GNA14: variants seen among roughly 807,000 people sequenced by gnomAD.
The protein encoded by GNA14 is G protein subunit alpha 14.
A neutral mutation model predicts 42.0 loss-of-function variants in GNA14; 50 were observed. The observed-to-expected ratio is 1.19, with a 90% CI of 0.95 to 1.51. The LOEUF is 1.51. Ranked by LOEUF, GNA14 falls within the 40% of genes most tolerant of loss-of-function variation. The probability of loss-of-function intolerance (pLI) is 0.00; values close to 1 mark genes in which losing one functional copy is unlikely to be tolerated. For synonymous variants in GNA14, 173 were observed against 163.1 expected, an observed-to-expected ratio of 1.06 and a Z score of -0.46; for missense variants, 473 against 446.2, an observed-to-expected ratio of 1.06 and a Z score of -0.54.
chr9:77,572,568 T>C (rs1438815661), intron 1 of GNA14, among the ~76,000 whole-genome samples: 1 of 152,254 alleles, frequency 6.6e-6, no homozygotes, highest in Non-Finnish European at 1.5e-5. Flanking sequence ...GTGATCCAGT[T>C]TTTAAAAATA....
At chr9:77,455,849 G>A (rs1835989310) in intron 2 of GNA14, among the ~76,000 whole-genome samples, 1 of 152,158 alleles carries the variant, frequency 6.6e-6, no homozygotes, top group African/African-American at 2.4e-5. Flanking sequence ...TAACTGAGTA[G>A]AAGTTTATGA....
At chr9:77,461,457 G>A (rs193294935) in intron 2 of GNA14, among the ~76,000 whole-genome samples, 226 of 152,288 alleles carry the variant, frequency 1.5e-3, no homozygotes, top group African/African-American at 5.0e-3. Flanking sequence ...AAAAAACGGG[G>A]CTCAGAAAGC....
At chr9:77,500,973 T>G (rs1836957089) in intron 2 of GNA14, among the ~76,000 whole-genome samples, 1 of 151,950 alleles carries the variant, frequency 6.6e-6, no homozygotes, top group African/African-American at 2.4e-5. Flanking sequence ...TTTTTTTTTT[T>G]GAGACAGAAT....
chr9:77,635,025 T>A (rs1211701650), intron 1 of GNA14, among the ~76,000 whole-genome samples: 1 of 152,208 alleles, frequency 6.6e-6, no homozygotes, highest in African/African-American at 2.4e-5. Context: ...TATTATTTCA[T>A]TTATTTCAAT....
At chr9:77,478,205 G>C (rs927227603) in intron 2 of GNA14, among the ~76,000 whole-genome samples, 2 of 149,526 alleles carry the variant, frequency 1.3e-5, no homozygotes, top group African/African-American at 4.9e-5. Flanking sequence ...AGTCCCCGGA[G>C]TGTGATGTTC....
chr9:77,464,351 ATGTGTGTGTG>A lies in GNA14; in HGVS notation c.310-29839_310-29830del, dbSNP rs35743834. ...TATATATGTGTGTGTGTGTGTGTAT[ATGTGTGTGTG>A]TGTGTGTGTGTGTGTGTGTGTGTGT... On this transcript the variant is annotated intron_variant, in intron 2 of 6. Transcript: ENST00000341700. Among the ~76,000 whole-genome samples, 1,326 of 144,814 alleles carry A rather than the reference ATGTGTGTGTG, an allele frequency of 9.2e-3. 20 individuals are homozygous for A. Among genetic ancestry groups the A allele is most frequent in the African/African-American group, 0.031 (1,198 of 39,226 alleles).
intron 2 of GNA14, among the ~76,000 whole-genome samples, chr9:77,525,909 TAA>T (rs202169762): frequency 0.4 from 56,465 of 141,322 alleles, 12,030 homozygotes; most frequent in Admixed American, 0.5. Context: ...GGACTTTTTT[TAA>T]AAAAAAAAAA....
chr9:77,591,465 A>G (rs972765604), intron 1 of GNA14, among the ~76,000 whole-genome samples: 1 of 152,156 alleles, frequency 6.6e-6, no homozygotes, highest in Non-Finnish European at 1.5e-5. Flanking sequence ...CTTAGAATCA[A>G]ATGTCCCTAG....
chr9:77,453,671 A>G (rs1009607434), intron 2 of GNA14, among the ~76,000 whole-genome samples: 1 of 152,236 alleles, frequency 6.6e-6, no homozygotes, highest in Non-Finnish European at 1.5e-5. Context: ...CTGAAGCTAC[A>G]ACAGGATTCC....
At chr9:77,466,236 C>T (rs1031850815) in intron 2 of GNA14, among the ~76,000 whole-genome samples, 4 of 152,208 alleles carry the variant, frequency 2.6e-5, no homozygotes, top group African/African-American at 9.7e-5. Context: ...TCCTGCATTC[C>T]ATATGCAAAT....
chr9:77,466,252 G>T (rs1836222441), intron 2 of GNA14, among the ~76,000 whole-genome samples: 1 of 152,010 alleles, frequency 6.6e-6, no homozygotes, highest in African/African-American at 2.4e-5. Context: ...CAAATATTGG[G>T]GTGCTAAATG....
chr9:77,518,777 C>G (rs189158978), intron 2 of GNA14, among the ~76,000 whole-genome samples: 437 of 152,280 alleles, frequency 2.9e-3, no homozygotes, highest in Non-Finnish European at 4.7e-3. Context: ...AACTTCCTAA[C>G]CAGGTCATAT....
intron 1 of GNA14, among the ~76,000 whole-genome samples, chr9:77,615,115 C>A (rs1477855228): frequency 6.6e-6 from 1 of 152,160 alleles, no homozygotes; most frequent in Non-Finnish European, 1.5e-5. Context: ...GGAATCAAGG[C>A]ACATGGTTTA....
chr9:77,620,294 G>A (rs1428474603), intron 1 of GNA14, among the ~76,000 whole-genome samples: 1 of 152,166 alleles, frequency 6.6e-6, no homozygotes, highest in Non-Finnish European at 1.5e-5. Context: ...CACATTAGAA[G>A]CCATACTGGG....
At chr9:77,625,826 A>G (rs971990119) in intron 1 of GNA14, among the ~76,000 whole-genome samples, 30 of 152,196 alleles carry the variant, frequency 2.0e-4, no homozygotes, top group African/African-American at 6.3e-4. Context: ...AACTGAATCA[A>G]CTAATGTGCA....
chr9:77,527,646 T>G (rs1438121078), intron 2 of GNA14, among the ~76,000 whole-genome samples: 1 of 152,274 alleles, frequency 6.6e-6, no homozygotes, highest in East Asian at 1.9e-4. Context: ...TTTGTTTTGT[T>G]TTTTGAGACG....
At position 77,648,221 on chromosome 9, in the gene GNA14, C is replaced by T. The variant is rs1374229646; in HGVS notation, c.-428G>A. 9.3e-6 allele frequency: 2 copies of T among 215,250 alleles called. No individual in the cohort carries two copies. Among genetic ancestry groups the T allele is most frequent in the South Asian group, 6.8e-5 (1 of 14,658 alleles). The allele number at this position is 215,250 out of a possible 1,614,324, so 13.3% of individuals were successfully genotyped here. A position where few individuals can be genotyped will look rare whatever the true frequency, so the allele number is the denominator to read the frequency against. On this transcript the variant is annotated 5_prime_UTR_variant, in exon 1 of 7. Coordinates refer to ENST00000341700, the MANE Select transcript of GNA14 (RefSeq NM_004297.4). ...TCCTGGGCCTAGGGGTGTCCCCAGG[C>T]GGGAGGTAGGCGCGGAGTGGGTTGG...
chr9:77,531,403 G>A (rs1837526954), intron 1 of GNA14, among the ~76,000 whole-genome samples: 1 of 152,164 alleles, frequency 6.6e-6, no homozygotes, highest in African/African-American at 2.4e-5. Flanking sequence ...TATATGAGAA[G>A]TGAGGACCTG....
At position 77,444,215 on chromosome 9, in the gene GNA14, G is replaced by A. The variant is rs562373420; in HGVS notation, c.310-9693C>T. On this transcript the variant is annotated intron_variant, in intron 2 of 6. Transcript: ENST00000341700. ...AGAAGAAATGGAAAGAGACTTGCAA[G>A]GCAGAAGGACGCATCCACTTTCCGG... Among the ~76,000 whole-genome samples, 249 of 152,312 alleles carry A rather than the reference G, an allele frequency of 1.6e-3. 2 individuals carry two copies. In the South Asian group the frequency reaches 0.019, roughly 12 times the overall value.
Sources: gnomAD v4.1 joint callset for allele counts (sites outside exome capture counted in the v4.1 genomes callset) on GRCh38, gnomAD v4.1.1 for gene constraint, MANE v1.5 for transcripts, NCBI Gene and HGNC (gene_info 2026-07-23, HGNC 2026-07-21) for gene names.